Variants in FRMD5 observed in about 807,000 individuals in gnomAD.
The protein encoded by FRMD5 is FERM domain-containing protein 5.
FRMD5 carries 20 observed loss-of-function variants against 69.0 expected under a neutral mutation model. The ratio of observed to expected loss-of-function variants is 0.29; its 90% CI spans 0.20 to 0.42. The LOEUF (loss-of-function observed/expected upper bound fraction) is 0.42, where lower values mean the gene tolerates loss of function less well. Among genes scored for constraint, FRMD5 ranks in the 10% least tolerant of loss-of-function variants. The probability of loss-of-function intolerance (pLI) is 1.00; values close to 1 mark genes in which losing one functional copy is unlikely to be tolerated. For synonymous variants in FRMD5, 271 were observed against 260.1 expected, an observed-to-expected ratio of 1.04 and a Z score of -0.40; for missense variants, 595 against 708.6, an observed-to-expected ratio of 0.84 and a Z score of 1.82.
chr15:44,108,794 C>T (rs1413676250), intron 1 of FRMD5, among the ~76,000 whole-genome samples: 4 of 151,848 alleles, frequency 2.6e-5, no homozygotes, highest in African/African-American at 7.3e-5. Flanking sequence ...TGAGACACCT[C>T]TACCAGTAAT....
intron 1 of FRMD5, among the ~76,000 whole-genome samples, chr15:43,971,270 A>G (rs1424649133): frequency 6.6e-6 from 1 of 151,994 alleles, no homozygotes; most frequent in Admixed American, 6.6e-5. Context: ...AACAAAAACC[A>G]AAAAAACAAA....
chr15:44,035,824 A>G (rs1030207085), intron 1 of FRMD5, among the ~76,000 whole-genome samples: 2 of 152,204 alleles, frequency 1.3e-5, no homozygotes, highest in African/African-American at 4.8e-5. Context: ...AAACTTGAGT[A>G]GCCCCATGCT....
At chr15:44,180,505 C>T (rs1384222213) in intron 1 of FRMD5, among the ~76,000 whole-genome samples, 2 of 152,068 alleles carry the variant, frequency 1.3e-5, no homozygotes, top group African/African-American at 2.4e-5. Flanking sequence ...AGAATACTGG[C>T]CAGGCGCGGC....
intron 1 of FRMD5, among the ~76,000 whole-genome samples, chr15:44,188,080 G>A (rs977014954): frequency 6.6e-6 from 1 of 152,064 alleles, no homozygotes; most frequent in African/African-American, 2.4e-5. Flanking sequence ...TCGACAACAG[G>A]GGCCTTGACT....
At chr15:44,013,147 G>C (rs933924645) in intron 1 of FRMD5, among the ~76,000 whole-genome samples, 7 of 152,176 alleles carry the variant, frequency 4.6e-5, no homozygotes, top group African/African-American at 7.2e-5. Context: ...CCAGTACTTT[G>C]AGAAGCTGAG....
chr15:43,883,324 C>T (rs2088582025), intron 13 of FRMD5, among the ~76,000 whole-genome samples: 1 of 152,158 alleles, frequency 6.6e-6, no homozygotes, highest in African/African-American at 2.4e-5. Context: ...TCTTGAACTC[C>T]TGACCTCAAG....
intron 1 of FRMD5, among the ~76,000 whole-genome samples, chr15:43,965,038 G>A (rs1051424073): frequency 1.3e-5 from 2 of 152,162 alleles, no homozygotes; most frequent in African/African-American, 2.4e-5. Context: ...AGTATACTGA[G>A]GGAACTCACC....
chr15:44,128,107 G>C (rs2077048339), intron 1 of FRMD5, among the ~76,000 whole-genome samples: 1 of 152,062 alleles, frequency 6.6e-6, no homozygotes, highest in Admixed American at 6.6e-5. Flanking sequence ...TGAAGCTTCT[G>C]AGAAAAAAAG....
chr15:44,130,782 A>G (rs569484027), intron 1 of FRMD5, among the ~76,000 whole-genome samples: 1 of 152,316 alleles, frequency 6.6e-6, no homozygotes, highest in Admixed American at 6.5e-5. Context: ...CAAAATGCAT[A>G]GATTTACAGA....
intron 2 of FRMD5, 99 bp from the exon 3 acceptor site, chr15:43,919,908 G>A: frequency 3.6e-6 from 4 of 1,101,626 alleles, no homozygotes; most frequent in Non-Finnish European, 5.5e-6. Context: ...TTGTAGCCTA[G>A]GGTGAAAGCA....
chr15:44,105,634 A>G (rs2076706164), intron 1 of FRMD5, among the ~76,000 whole-genome samples: 1 of 152,190 alleles, frequency 6.6e-6, no homozygotes, highest in Admixed American at 6.5e-5. Context: ...GAGAATTTAA[A>G]GGTTTAGAGT....
chr15:44,021,402 G>T (rs1405161443), intron 1 of FRMD5, among the ~76,000 whole-genome samples: 1 of 152,160 alleles, frequency 6.6e-6, no homozygotes, highest in East Asian at 1.9e-4. Flanking sequence ...AATGCATATA[G>T]CTGATAAGGG....
intron 1 of FRMD5, among the ~76,000 whole-genome samples, chr15:44,004,924 C>T (rs1890369665): frequency 6.6e-6 from 1 of 152,206 alleles, no homozygotes; most frequent in African/African-American, 2.4e-5. Context: ...AGTGCTACTC[C>T]AGTGATCACA....
intron 1 of FRMD5, among the ~76,000 whole-genome samples, chr15:44,061,633 A>G (rs1014433786): frequency 6.6e-6 from 1 of 152,234 alleles, no homozygotes; most frequent in Non-Finnish European, 1.5e-5. Context: ...AAGTCCATAA[A>G]GTTTGACATT....
chr15:43,959,575 T>TG, intron 1 of FRMD5, among the ~76,000 whole-genome samples: 1 of 152,364 alleles, frequency 6.6e-6, no homozygotes, highest in African/African-American at 2.4e-5. Flanking sequence ...ACAAGAACTC[T>TG]GACTCTAGCT....
intron 1 of FRMD5, among the ~76,000 whole-genome samples, chr15:44,171,195 C>T (rs936014909): frequency 6.6e-6 from 1 of 152,142 alleles, no homozygotes; most frequent in African/African-American, 2.4e-5. Context: ...TATCTGAATA[C>T]AAAATATACT....
rs115335330 is a variant in FRMD5, at chr15:43,932,658, C to A, written c.103-8349G>T. Among the ~76,000 whole-genome samples the A allele has an allele frequency of 7.3e-3, 1,113 of 152,332 alleles. 18 individuals carry two copies. Among genetic ancestry groups the A allele is most frequent in the African/African-American group, 0.025 (1,033 of 41,572 alleles). On this transcript the variant is annotated intron_variant, in intron 1 of 13. Coordinates refer to ENST00000417257, the MANE Select transcript of FRMD5 (RefSeq NM_032892.5). ...GGCAAAATATATTTCAAGAAATTAA[C>A]TCAGCGTCCTGATCTCTCTCAAAAA...
intron 1 of FRMD5, among the ~76,000 whole-genome samples, chr15:44,001,455 G>A (rs1195988722): frequency 6.6e-6 from 1 of 151,810 alleles, no homozygotes; most frequent in African/African-American, 2.4e-5. Flanking sequence ...TGTTTTTAGT[G>A]TCATATTAAA....
intron 1 of FRMD5, among the ~76,000 whole-genome samples, chr15:43,988,546 C>T (rs1889510952): frequency 1.3e-5 from 2 of 152,110 alleles, no homozygotes; most frequent in Admixed American, 1.3e-4. Flanking sequence ...CCTCCACCCA[C>T]TCCCAACTCC....
Sources: gnomAD v4.1 joint callset for allele counts (sites outside exome capture counted in the v4.1 genomes callset) on GRCh38, gnomAD v4.1.1 for gene constraint, MANE v1.5 for transcripts, NCBI Gene and HGNC (gene_info 2026-07-23, HGNC 2026-07-21) for gene names.